CORIN: variants seen among roughly 807,000 people sequenced by gnomAD.
CORIN encodes corin, serine peptidase.
Under a neutral mutation model 125.3 loss-of-function variants are expected in CORIN, and 117 were observed. The observed-to-expected ratio is 0.93, with a 90% CI of 0.80 to 1.09. The LOEUF is 1.09. Ranked by LOEUF, CORIN falls within the 50% of genes least tolerant of loss-of-function variation. The probability of loss-of-function intolerance (pLI) is 0.00; values close to 1 mark genes in which losing one functional copy is unlikely to be tolerated. For missense variants in CORIN, 1,253 were observed against 1,306.7 expected, an observed-to-expected ratio of 0.96 and a Z score of 0.63; for synonymous variants, 450 against 466.4, an observed-to-expected ratio of 0.96 and a Z score of 0.45.
At chr4:47,647,859 A>G (rs373391333) in intron 13 of CORIN, among the ~76,000 whole-genome samples, 1 of 152,206 alleles carries the variant, frequency 6.6e-6, no homozygotes. Context: ...GAGCTTGGGT[A>G]AGTTACTTAA....
intron 4 of CORIN, among the ~76,000 whole-genome samples, chr4:47,760,607 T>C (rs930422841): frequency 6.6e-6 from 1 of 152,172 alleles, no homozygotes; most frequent in African/African-American, 2.4e-5. Flanking sequence ...CCTTAGGATT[T>C]TGGGAATGGT....
intron 12 of CORIN, among the ~76,000 whole-genome samples, chr4:47,655,971 A>C (rs930721703): frequency 6.6e-6 from 1 of 152,106 alleles, no homozygotes; most frequent in Admixed American, 6.5e-5. Flanking sequence ...GAAGGAATAC[A>C]TCCAAATTCA....
chr4:47,716,152 G>T (rs1302639986), intron 5 of CORIN, among the ~76,000 whole-genome samples: 1 of 152,188 alleles, frequency 6.6e-6, no homozygotes, highest in Non-Finnish European at 1.5e-5. Flanking sequence ...AGGCACTAAA[G>T]AGTAACAGGA....
At chr4:47,741,835 ATAT>A (rs1728410600) in intron 5 of CORIN, among the ~76,000 whole-genome samples, 1 of 152,030 alleles carries the variant, frequency 6.6e-6, no homozygotes, top group South Asian at 2.1e-4. Context: ...GATTTAATTC[ATAT>A]TAAATGTCCA....
intron 21 of CORIN, among the ~76,000 whole-genome samples, chr4:47,599,500 T>C (rs1477499457): frequency 6.6e-6 from 1 of 152,348 alleles, no homozygotes; most frequent in East Asian, 1.9e-4. Context: ...TCCCCAGTTT[T>C]TGTTACAAGC....
At chr4:47,627,503 G>A (rs949898729) in intron 16 of CORIN, among the ~76,000 whole-genome samples, 1 of 152,182 alleles carries the variant, frequency 6.6e-6, no homozygotes, top group Non-Finnish European at 1.5e-5. Context: ...CCACAATGAA[G>A]AAGAGTGGCT....
intron 20 of CORIN, among the ~76,000 whole-genome samples, chr4:47,601,778 TGTGA>T (rs1181610417): frequency 6.6e-6 from 1 of 152,188 alleles, no homozygotes; most frequent in Non-Finnish European, 1.5e-5. Context: ...AATTGTTACA[TGTGA>T]GTTTTTTTGA....
At chr4:47,820,128 T>G (rs1302463336) in intron 1 of CORIN, among the ~76,000 whole-genome samples, 2 of 152,148 alleles carry the variant, frequency 1.3e-5, no homozygotes, top group Non-Finnish European at 2.9e-5. Flanking sequence ...GTTTCAACTA[T>G]TGTTCATGCC....
At chr4:47,778,831 T>C (rs748166633) in intron 3 of CORIN, among the ~76,000 whole-genome samples, 3 of 152,186 alleles carry the variant, frequency 2.0e-5, no homozygotes, top group Non-Finnish European at 2.9e-5. Context: ...CTAGAGGTCA[T>C]GACTACAGTG....
intron 12 of CORIN, among the ~76,000 whole-genome samples, chr4:47,656,236 G>A (rs937874930): frequency 6.7e-6 from 1 of 149,344 alleles, no homozygotes; most frequent in Non-Finnish European, 1.5e-5. Context: ...GCTCACTGCA[G>A]CCTCCACTTC....
In CORIN at chr4:47,665,196, A is replaced by G; in HGVS notation, c.1425T>C (p.Asn475=). The G allele has an allele frequency of 1.9e-6, 3 of 1,614,062 alleles. No homozygotes were observed. Among genetic ancestry groups the G allele is most frequent in the Admixed American group, 1.7e-5 (1 of 60,028 alleles). Residue 475 remains asparagine (N), a synonymous_variant, in exon 11 of 22, where the codon AAT becomes AAC. Transcript: ENST00000273857. The part of the protein sequence containing the change: ...NLPYNSTSYP[N]YFGHRTQKEA... ...CCTTTTGAGTCCTGTGGCCAAAATA[A>G]TTTGGATAACTTGTACTGTTGTAGG...
chr4:47,806,511 T>G (rs941147187), intron 2 of CORIN, among the ~76,000 whole-genome samples: 1 of 152,194 alleles, frequency 6.6e-6, no homozygotes, highest in African/African-American at 2.4e-5. Flanking sequence ...CCATGATGCT[T>G]TCTTTGAATG....
intron 1 of CORIN, among the ~76,000 whole-genome samples, chr4:47,819,005 A>C (rs1035882358): frequency 1.3e-5 from 2 of 152,176 alleles, no homozygotes; most frequent in Non-Finnish European, 2.9e-5. Context: ...ATCAAGTTTC[A>C]GCCTGACACA....
intron 19 of CORIN, among the ~76,000 whole-genome samples, chr4:47,618,567 C>G (rs560905671): frequency 6.6e-6 from 1 of 152,102 alleles, no homozygotes; most frequent in South Asian, 2.1e-4. Flanking sequence ...CGCCTGTAAT[C>G]CCAGCACTTT....
At chr4:47,749,326 C>G (rs890858837) in intron 4 of CORIN, among the ~76,000 whole-genome samples, 2 of 152,278 alleles carry the variant, frequency 1.3e-5, no homozygotes, top group African/African-American at 4.8e-5. Flanking sequence ...CTAACAGACT[C>G]TCTCCCTTAC....
chr4:47,665,282 C>T lies in CORIN; in HGVS notation c.1358-19G>A, dbSNP rs111721946. On this transcript the variant is annotated intron_variant, in intron 10 of 21. Coordinates refer to ENST00000273857, the MANE Select transcript of CORIN (RefSeq NM_006587.4). ...CATTGACCTAACAAAGAAACATACA[C>T]ACAAATATTTTTAAATTTCACATAT... The T allele has an allele frequency of 6.0e-4, 923 of 1,534,696 alleles. 3 individuals are homozygous for T. The African/African-American group carries it at 0.011, about 18-fold the overall frequency.
chr4:47,765,798 C>T (rs1577904018), intron 3 of CORIN, among the ~76,000 whole-genome samples: 1 of 152,236 alleles, frequency 6.6e-6, no homozygotes, highest in Non-Finnish European at 1.5e-5. Flanking sequence ...ATTTAAGGAC[C>T]ATTTGCATTT....
chr4:47,706,822 G>C, intron 5 of CORIN: 1 of 1,598,188 alleles, frequency 6.3e-7, no homozygotes, highest in Admixed American at 1.7e-5. Context: ...ACACCCCATG[G>C]ATCACCAAAC....
Position 47,600,334 on chromosome 4 carries a change from C to A in CORIN, c.2826G>T (p.Leu942=). The A allele has an allele frequency of 6.2e-7, 1 of 1,611,762 alleles. No individual in the cohort carries two copies. Among genetic ancestry groups the A allele is most frequent in the Non-Finnish European group, 8.5e-7 (1 of 1,178,754 alleles). ...AAATAATGCGGACCTCTCCCTCTTG[C>A]AGCTTAAATGGCACTGAATTTTTAA... ...GHMGNKMPFK[L]QEGEVRIISL... Residue 942 remains leucine, a synonymous_variant, in exon 21 of 22, where the codon CTG becomes CTT. Transcript: ENST00000273857.
Sources: gnomAD v4.1 joint callset for allele counts (sites outside exome capture counted in the v4.1 genomes callset) on GRCh38, gnomAD v4.1.1 for gene constraint, MANE v1.5 for transcripts, NCBI Gene and HGNC (gene_info 2026-07-23, HGNC 2026-07-21) for gene names.